SUGCT: variants seen among roughly 807,000 people sequenced by gnomAD.
SUGCT encodes succinyl-CoA:glutarate CoA-transferase.
SUGCT carries 41 observed loss-of-function variants against 55.0 expected under a neutral mutation model. The ratio of observed to expected loss-of-function variants is 0.74; its 90% confidence interval spans 0.58 to 0.97. The LOEUF is 0.97. SUGCT is among the 50% of genes least tolerant of loss of function. The pLI, the probability that SUGCT is intolerant of heterozygous loss-of-function variation, is 0.00. For missense variants in SUGCT, 568 were observed against 547.8 expected, an observed-to-expected ratio of 1.04 and a Z score of -0.37; for synonymous variants, 187 against 200.4, an observed-to-expected ratio of 0.93 and a Z score of 0.56.
the SUGCT span, among the ~76,000 whole-genome samples, chr7:41,029,202 C>T: frequency 2.0e-5 from 3 of 152,158 alleles, no homozygotes; most frequent in Non-Finnish European, 2.9e-5. Context: ...GACTCCATGA[C>T]GTGAGCATGA....
chr7:40,891,269 A>G, the SUGCT span, among the ~76,000 whole-genome samples: 2 of 152,220 alleles, frequency 1.3e-5, no homozygotes, highest in Non-Finnish European at 2.9e-5. Flanking sequence ...AACTTCTCAC[A>G]CCTGGAATGG....
the SUGCT span, among the ~76,000 whole-genome samples, chr7:40,918,948 C>T: frequency 6.6e-6 from 1 of 152,144 alleles, no homozygotes; most frequent in Non-Finnish European, 1.5e-5. Flanking sequence ...GAAAAGTTCC[C>T]TCACAAGTGG....
the SUGCT span, among the ~76,000 whole-genome samples, chr7:40,983,226 G>A: frequency 6.6e-6 from 1 of 152,126 alleles, no homozygotes; most frequent in African/African-American, 2.4e-5. Context: ...AGTTTTCTAC[G>A]ATGGTTGGTC....
chr7:40,664,979 CAAAAAAAA>C, intron 12 of SUGCT, among the ~76,000 whole-genome samples: 1 of 109,456 alleles, frequency 9.1e-6, no homozygotes, highest in Middle Eastern at 5.4e-3. Context: ...GACTCTGTCT[CAAAAAAAA>C]AAAAAAAAAA....
At chr7:40,463,504 G>A (rs1052648323) in intron 11 of SUGCT, among the ~76,000 whole-genome samples, 1 of 152,084 alleles carries the variant, frequency 6.6e-6, no homozygotes, top group African/African-American at 2.4e-5. Flanking sequence ...AGAATCAGGT[G>A]ATTCTCCTAT....
At chr7:40,377,932 C>T (rs1020043613) in intron 9 of SUGCT, among the ~76,000 whole-genome samples, 1 of 152,148 alleles carries the variant, frequency 6.6e-6, no homozygotes, top group African/African-American at 2.4e-5. Context: ...TTCTGGCCTC[C>T]ATGGTTTCTA....
At chr7:40,676,876 T>C (rs921779271) in intron 12 of SUGCT, among the ~76,000 whole-genome samples, 1 of 149,352 alleles carries the variant, frequency 6.7e-6, no homozygotes, top group Non-Finnish European at 1.5e-5. Context: ...AACATACAAA[T>C]GCAAACTTTC....
intron 12 of SUGCT, among the ~76,000 whole-genome samples, chr7:40,634,377 G>A (rs1260539680): frequency 6.6e-6 from 1 of 152,176 alleles, no homozygotes; most frequent in Non-Finnish European, 1.5e-5. Context: ...AAGGGCTGTG[G>A]TAGAAATGAT....
intron 9 of SUGCT, among the ~76,000 whole-genome samples, chr7:40,417,501 G>T (rs570141618): frequency 6.6e-6 from 1 of 151,818 alleles, no homozygotes; most frequent in Admixed American, 6.5e-5. Flanking sequence ...CAAATAGTCA[G>T]CTTCATTTTT....
At chr7:40,155,553 C>T (rs1783847450) in intron 1 of SUGCT, among the ~76,000 whole-genome samples, 1 of 152,114 alleles carries the variant, frequency 6.6e-6, no homozygotes, top group Non-Finnish European at 1.5e-5. Context: ...CTGGATAAGG[C>T]AGTGCTTTTA....
intron 9 of SUGCT, among the ~76,000 whole-genome samples, chr7:40,324,887 G>T (rs561960847): frequency 6.6e-6 from 1 of 152,260 alleles, no homozygotes; most frequent in Non-Finnish European, 1.5e-5. Context: ...AATTCACATG[G>T]TAATTTCTTC....
At chr7:41,035,863 G>A in the SUGCT span, among the ~76,000 whole-genome samples, 1 of 152,132 alleles carries the variant, frequency 6.6e-6, no homozygotes, top group Non-Finnish European at 1.5e-5. Flanking sequence ...CCCCAGCCTT[G>A]CATTTTCTCC....
chr7:40,749,801 A>T (rs1251136250), intron 13 of SUGCT, among the ~76,000 whole-genome samples: 1 of 152,212 alleles, frequency 6.6e-6, no homozygotes, highest in East Asian at 1.9e-4. Context: ...CAACAGGTTG[A>T]TAGTAATAGG....
At position 40,503,531 on chromosome 7, in the gene SUGCT, C is replaced by T. The variant is rs188728203; in HGVS notation, c.1089+7145C>T. Among the ~76,000 whole-genome samples the T allele has an allele frequency of 8.5e-4, 129 of 151,916 alleles. 1 individual carries two copies. The highest frequency in any genetic ancestry group is 3.4e-3 in the Middle Eastern group (1 of 294). On this transcript the variant is annotated intron_variant, in intron 12 of 13. Coordinates refer to ENST00000335693, the MANE Select transcript of SUGCT (RefSeq NM_001193313.2). ...ACATAAAGAAAAACTTTAAAACATG[C>T]ATAGAGATTTGGCATGTGATAAAAA...
intron 12 of SUGCT, among the ~76,000 whole-genome samples, chr7:40,623,577 C>A (rs1799375845): frequency 6.6e-6 from 1 of 152,070 alleles, no homozygotes; most frequent in African/African-American, 2.4e-5. Context: ...TTATTAAAAG[C>A]AATACAATTC....
chr7:40,911,680 T>C, the SUGCT span, among the ~76,000 whole-genome samples: 2 of 152,092 alleles, frequency 1.3e-5, no homozygotes, highest in Non-Finnish European at 2.9e-5. Flanking sequence ...TACTGGCCTA[T>C]ATACACTAGA....
intron 1 of SUGCT, among the ~76,000 whole-genome samples, chr7:40,139,340 G>A (rs1314128954): frequency 6.6e-6 from 1 of 152,128 alleles, no homozygotes; most frequent in Non-Finnish European, 1.5e-5. Context: ...GGGACTACAG[G>A]TGTGTGCCAC....
At chr7:40,889,541 A>G in the SUGCT span, among the ~76,000 whole-genome samples, 1 of 152,130 alleles carries the variant, frequency 6.6e-6, no homozygotes, top group Non-Finnish European at 1.5e-5. Context: ...TCAGAAACAG[A>G]ACACATGCTC....
At chr7:41,016,930 A>G in the SUGCT span, among the ~76,000 whole-genome samples, 2 of 152,226 alleles carry the variant, frequency 1.3e-5, no homozygotes, top group African/African-American at 4.8e-5. Flanking sequence ...GTAACTACAA[A>G]TCAACCATAC....
Sources: allele counts gnomAD v4.1 joint callset (sites outside exome capture counted in the v4.1 genomes callset), GRCh38; gene constraint gnomAD v4.1.1; transcripts MANE v1.5; gene names NCBI Gene and HGNC (gene_info 2026-07-23, HGNC 2026-07-21).